Variants in MTHFD1L observed in about 807,000 individuals in gnomAD.
MTHFD1L encodes the protein methylenetetrahydrofolate dehydrogenase (NADP+ dependent) 1 like.
MTHFD1L carries 81 observed loss-of-function variants against 119.5 expected under a neutral mutation model. The ratio of observed to expected loss-of-function variants is 0.68; its 90% CI spans 0.57 to 0.82. The LOEUF is 0.82. Among genes scored for constraint, MTHFD1L ranks in the 40% least tolerant of loss-of-function variants. MTHFD1L has a pLI of 0.00. For missense variants in MTHFD1L, 1,125 were observed against 1,253.4 expected (o/e 0.90, Z 1.55); for synonymous variants, 430 against 475.2 (o/e 0.90, Z 1.24).
chr6:150,938,700 A>G lies in MTHFD1L; in HGVS notation c.1395A>G (p.Gly465=). 1 of 1,610,124 alleles carries G rather than the reference A, an allele frequency of 6.2e-7. No individual in the cohort carries two copies. The highest frequency in any genetic ancestry group is 8.5e-7 in the Non-Finnish European group (1 of 1,178,626). The change falls in exon 13 of 28, where the codon GGA becomes GGG. Residue 465 remains glycine, a splice_region_variant and synonymous_variant. Transcript: ENST00000367321. ...PSQGPTFGVK[G]GAAGGGYAQV... Reference sequence around the variant, plus strand: ...AATGCCTCTTGCTCTGTTGTTTAGGAGGAGCCGCGGGTGGTGGATATGCCC... The same window carrying G: ...AATGCCTCTTGCTCTGTTGTTTAGGGGGAGCCGCGGGTGGTGGATATGCCC...
At position 150,895,613 on chromosome 6, in the gene MTHFD1L, G is replaced by T. The variant is rs199631085; in HGVS notation, c.780+7632G>T. On this transcript the variant is annotated intron_variant, in intron 7 of 27. Coordinates refer to ENST00000367321, the MANE Select transcript of MTHFD1L (RefSeq NM_015440.5). ...ATCAAAGTGTCTAGGGTTTTTTGTG[G>T]TTTTTTTTTTTTTTTTTTGAACAAA... Among the ~76,000 whole-genome samples, 40 of 134,444 alleles carry T rather than the reference G, an allele frequency of 3.0e-4. 1 individual carries two copies. The highest frequency in any genetic ancestry group is 1.7e-3 in the South Asian group (7 of 4,218). The allele number at this position is 134,444 out of a possible 152,430, so 88.2% of individuals were successfully genotyped here.
chr6:150,976,775 G>A (rs1230155861), intron 20 of MTHFD1L, among the ~76,000 whole-genome samples: 3 of 152,138 alleles, frequency 2.0e-5, no homozygotes, highest in East Asian at 3.9e-4. Flanking sequence ...TTGAGAATAT[G>A]TAAAACACTA....
In MTHFD1L at chr6:150,965,000, A is replaced by C; in HGVS notation, c.1976A>C (p.Lys659Thr). Residue 659 changes from lysine to threonine, a missense_variant, in exon 19 of 28, where the codon AAA becomes ACA. Physicochemically the swap from Lys to Thr is moderately conservative, Grantham distance 78. Coordinates refer to ENST00000367321, the MANE Select transcript of MTHFD1L (RefSeq NM_015440.5). ...ACAGGTGCTTTGACAGTTTTGATGA[A>C]AGATGCAATAAAACCAAACCTGATG... ...GVTGALTVLM[K>T]DAIKPNLMQT... The C allele has an allele frequency of 6.2e-7, 1 of 1,614,050 alleles. No homozygotes were observed. Among genetic ancestry groups the C allele is most frequent in the Non-Finnish European group, 8.5e-7 (1 of 1,179,946 alleles).
intron 16 of MTHFD1L, among the ~76,000 whole-genome samples, chr6:150,953,013 G>A (rs949553413): frequency 2.0e-5 from 3 of 152,076 alleles, no homozygotes; most frequent in East Asian, 1.9e-4. Flanking sequence ...TCCGAGCCCC[G>A]GGGCCTCACA....
intron 26 of MTHFD1L, among the ~76,000 whole-genome samples, chr6:151,089,430 T>C (rs1794174106): frequency 6.6e-6 from 1 of 152,090 alleles, no homozygotes; most frequent in African/African-American, 2.4e-5. Flanking sequence ...GGTCAAACCC[T>C]GTCTCTACCA....
intron 26 of MTHFD1L, among the ~76,000 whole-genome samples, chr6:151,042,986 A>C (rs543991062): frequency 4.6e-5 from 7 of 152,328 alleles, no homozygotes; most frequent in Non-Finnish European, 8.8e-5. Flanking sequence ...AGCGGGCTCC[A>C]TGCCATCACC....
At chr6:151,087,080 C>T (rs563740814) in intron 26 of MTHFD1L, among the ~76,000 whole-genome samples, 14 of 152,106 alleles carry the variant, frequency 9.2e-5, no homozygotes, top group Admixed American at 7.9e-4. Flanking sequence ...GAAACCTTGT[C>T]TCTACCAAAA....
At chr6:150,941,760 G>C (rs1229040208) in intron 13 of MTHFD1L, among the ~76,000 whole-genome samples, 1 of 152,142 alleles carries the variant, frequency 6.6e-6, no homozygotes, top group East Asian at 1.9e-4. Flanking sequence ...GTGGTGTGGG[G>C]TGTGGTGGAG....
At chr6:151,094,079 G>GAAAGGCTC (rs887324820) in intron 27 of MTHFD1L, among the ~76,000 whole-genome samples, 5 of 152,218 alleles carry the variant, frequency 3.3e-5, no homozygotes, top group African/African-American at 1.2e-4. Context: ...TCAGAAGCTT[G>GAAAGGCTC]AAAGGCTCAG....
At chr6:150,935,971 A>G (rs1183093484) in intron 11 of MTHFD1L, among the ~76,000 whole-genome samples, 2 of 152,214 alleles carry the variant, frequency 1.3e-5, no homozygotes, top group East Asian at 3.8e-4. Context: ...GGCTCTCTTC[A>G]ATACCTAATA....
intron 19 of MTHFD1L, 104 bp downstream of exon 19, chr6:150,965,141 A>G: frequency 1.0e-6 from 1 of 963,276 alleles, no homozygotes; most frequent in Non-Finnish European, 1.6e-6. Context: ...TGCCTGGGGC[A>G]GCAGTGTGCT....
At chr6:151,078,780 G>A (rs531405765) in intron 26 of MTHFD1L, among the ~76,000 whole-genome samples, 38 of 152,146 alleles carry the variant, frequency 2.5e-4, no homozygotes, top group South Asian at 6.2e-4. Flanking sequence ...ACTGTCACTC[G>A]TGCCATATTC....
intron 20 of MTHFD1L, among the ~76,000 whole-genome samples, chr6:150,998,519 G>A (rs1028981415): frequency 2.0e-5 from 3 of 151,344 alleles, no homozygotes; most frequent in Non-Finnish European, 2.9e-5. Flanking sequence ...CACAGGTTAA[G>A]CATCCCTAAT....
chr6:150,888,946 G>A (rs948835684), intron 7 of MTHFD1L, among the ~76,000 whole-genome samples: 4 of 152,058 alleles, frequency 2.6e-5, no homozygotes, highest in African/African-American at 4.8e-5. Flanking sequence ...AGGCTGAGGC[G>A]GGCAAATCAC....
At position 150,945,454 on chromosome 6, in the gene MTHFD1L, T is replaced by G. The variant is rs754344071; in HGVS notation, c.1549-13T>G. On this transcript the variant is annotated splice_polypyrimidine_tract_variant and intron_variant, in intron 14 of 27. Coordinates refer to ENST00000367321, the MANE Select transcript of MTHFD1L (RefSeq NM_015440.5). ...AACTTTTGTGTGGTCTCATTTTTGTTTTGTGTTTTTAGGCTCTGTATAATC... is the reference window on the plus strand; with the variant it reads ...AACTTTTGTGTGGTCTCATTTTTGTGTTGTGTTTTTAGGCTCTGTATAATC... The G allele has an allele frequency of 1.1e-5, 18 of 1,607,298 alleles. No homozygotes were observed. Among genetic ancestry groups the G allele is most frequent in the Middle Eastern group, 3.3e-4 (2 of 6,056 alleles).
intron 20 of MTHFD1L, among the ~76,000 whole-genome samples, chr6:150,991,613 T>C (rs1361007066): frequency 6.6e-6 from 1 of 152,186 alleles, no homozygotes; most frequent in African/African-American, 2.4e-5. Context: ...ATTTGACATG[T>C]AGACACAGGG....
chr6:150,888,897 G>A (rs190393432), intron 7 of MTHFD1L, among the ~76,000 whole-genome samples: 86 of 152,316 alleles, frequency 5.6e-4, no homozygotes, highest in Non-Finnish European at 1.1e-3. Flanking sequence ...ATTAAAGGCC[G>A]GGCGTGGTGG....
intron 13 of MTHFD1L, among the ~76,000 whole-genome samples, chr6:150,940,854 A>G (rs1792974429): frequency 6.6e-6 from 1 of 152,182 alleles, no homozygotes; most frequent in Non-Finnish European, 1.5e-5. Context: ...TGCTAGGATT[A>G]CAGGCGTGAG....
intron 24 of MTHFD1L, among the ~76,000 whole-genome samples, chr6:151,019,422 C>A (rs376339737): frequency 6.6e-6 from 1 of 150,406 alleles, no homozygotes; most frequent in Non-Finnish European, 1.5e-5. Flanking sequence ...TAACATGAAC[C>A]CTTTTCCTTT....
Sources: allele counts gnomAD v4.1 joint callset (sites outside exome capture counted in the v4.1 genomes callset), GRCh38; gene constraint gnomAD v4.1.1; transcripts MANE v1.5; gene names NCBI Gene and HGNC (gene_info 2026-07-23, HGNC 2026-07-21).